YJU2: variants seen among roughly 807,000 people sequenced by gnomAD.
The protein encoded by YJU2 is splicing factor YJU2.
Under a neutral mutation model 39.6 loss-of-function variants are expected in YJU2, and 28 were observed. The ratio of observed to expected loss-of-function variants is 0.71; its 90% confidence interval spans 0.52 to 0.97. YJU2 has a LOEUF of 0.97. YJU2 is among the 50% of genes least tolerant of loss of function. The probability of loss-of-function intolerance (pLI) is 0.00; values close to 1 mark genes in which losing one functional copy is unlikely to be tolerated. For missense variants in YJU2, 328 were observed against 430.4 expected (o/e 0.76, Z 2.11); for synonymous variants, 184 against 182.4 (o/e 1.01, Z -0.07).
chr19:4,247,631 GT>G lies in YJU2; in HGVS notation c.24+462del, dbSNP rs1568359620. Among the ~76,000 whole-genome samples the G allele has an allele frequency of 2.3e-3, 130 of 56,656 alleles. 10 individuals carry two copies. Among genetic ancestry groups the G allele is most frequent in the East Asian group, 7.4e-3 (13 of 1,758 alleles). 37.2% of individuals were successfully genotyped at this position (56,656 alleles called of 152,430 possible). On this transcript the variant is annotated intron_variant, in intron 1 of 7. Transcript: ENST00000262962. ...TGTGTGTGTGTGTGTGTGTGTGTGT[GT>G]GTGTGTGTGTGTGTGTGTGTGTGTG...
rs1568360091 is a variant in YJU2 at position 4,249,278 on chromosome 19, C to G, written c.75C>G (p.Leu25=). The part of the protein sequence containing the change: ...FDPSKIPKLK[L]PKDRQYVVRL... ...CATCAAAGATCCCCAAACTCAAGCTCCCCAAAGACCGGCAGTACGTGGTGC... is the reference window on the plus strand; with the variant it reads ...CATCAAAGATCCCCAAACTCAAGCTGCCCAAAGACCGGCAGTACGTGGTGC... Residue 25 remains leucine, a synonymous_variant, in exon 2 of 8, where the codon CTC becomes CTG. Coordinates refer to ENST00000262962, the MANE Select transcript of YJU2 (RefSeq NM_018074.6). The G allele has an allele frequency of 6.2e-7, 1 of 1,613,976 alleles. No homozygotes were observed. Among genetic ancestry groups the G allele is most frequent in the Non-Finnish European group, 8.5e-7 (1 of 1,179,924 alleles).
At chr19:4,256,006 TCAA>T (rs952737441) in intron 4 of YJU2, among the ~76,000 whole-genome samples, 5 of 151,246 alleles carry the variant, frequency 3.3e-5, no homozygotes, top group African/African-American at 9.7e-5. Flanking sequence ...AAACTCTGTC[TCAA>T]CAACAACAAC....
intron 5 of YJU2, among the ~76,000 whole-genome samples, chr19:4,261,270 T>G (rs985149401): frequency 6.6e-6 from 1 of 152,038 alleles, no homozygotes; most frequent in African/African-American, 2.4e-5. Context: ...GGTTCTCACA[T>G]AAACCACTCC....
chr19:4,259,980 A>G (rs1000643438), intron 5 of YJU2, among the ~76,000 whole-genome samples: 5 of 151,934 alleles, frequency 3.3e-5, no homozygotes, highest in Non-Finnish European at 7.4e-5. Context: ...GGTCAGTGTG[A>G]TCTTCATCAT....
chr19:4,258,654 G>C (rs533500489), intron 5 of YJU2, among the ~76,000 whole-genome samples: 1 of 152,242 alleles, frequency 6.6e-6, no homozygotes, highest in Admixed American at 6.5e-5. Context: ...TTGTCACAGC[G>C]AGAGGACACA....
At chr19:4,252,561 GC>G (rs1970986050) in intron 3 of YJU2, among the ~76,000 whole-genome samples, 1 of 152,012 alleles carries the variant, frequency 6.6e-6, no homozygotes, top group Admixed American at 6.6e-5. Flanking sequence ...CTGAGATCGC[GC>G]CACTGCACTC....
chr19:4,252,970 C>T (rs1002967810), intron 3 of YJU2, among the ~76,000 whole-genome samples: 1 of 150,694 alleles, frequency 6.6e-6, no homozygotes, highest in African/African-American at 2.5e-5. Context: ...TGAAGATTTA[C>T]AGAAAAGTTC....
chr19:4,250,941 G>C, intron 2 of YJU2, 86 bp from the exon 3 acceptor site: 1 of 1,476,128 alleles, frequency 6.8e-7, no homozygotes, highest in Non-Finnish European at 9.3e-7. Context: ...CAAGCAAGCA[G>C]TGATCTTGCA....
rs1349486114 is a variant in YJU2 at position 4,258,335 on chromosome 19, G to A, written c.499G>A (p.Val167Met). ...AGACCTGAACCAGCGGCAGGCGCACGTGGACTTCGAGGCTATGCTGAGGCA... is the reference window on the plus strand; with the variant it reads ...AGACCTGAACCAGCGGCAGGCGCACATGGACTTCGAGGCTATGCTGAGGCA... The part of the protein sequence containing the change: ...LKDLNQRQAH[V>M]DFEAMLRQHR... Residue 167 changes from valine to methionine, a missense_variant, in exon 5 of 8, where the codon GTG (valine) becomes ATG (methionine). Around this residue, in one of 2 missense-constraint regions of YJU2, gnomAD observed 244 missense variants for 264.6 expected, o/e 0.92. Transcript: ENST00000262962. 8.2e-6 allele frequency: 13 copies of A among 1,586,370 alleles called. No homozygotes were observed. Among genetic ancestry groups the A allele is most frequent in the African/African-American group, 1.3e-5 (1 of 74,738 alleles).
Position 4,251,111 on chromosome 19 carries a change from C to T in YJU2, c.210C>T (p.Gly70=), listed in dbSNP as rs1268942985. The T allele has an allele frequency of 3.7e-6, 6 of 1,614,036 alleles. No individual in the cohort carries two copies. The highest frequency in any genetic ancestry group is 1.6e-4 in the Middle Eastern group (1 of 6,084). The change falls in exon 3 of 8, where the codon GGC becomes GGT. Residue 70 remains glycine (G), a synonymous_variant. Coordinates refer to ENST00000262962, the MANE Select transcript of YJU2 (RefSeq NM_018074.6). Reference sequence around the variant, plus strand: ...CGGTGCAGAACGAGGTCTACCTGGGCCTGCCCATCTTCCGCTTTTACATCA... The same window carrying T: ...CGGTGCAGAACGAGGTCTACCTGGGTCTGCCCATCTTCCGCTTTTACATCA... ...KETVQNEVYL[G]LPIFRFYIKC... is the part of the protein sequence containing the mutation.
In YJU2 at chr19:4,262,106, C is replaced by G; in HGVS notation, c.700C>G (p.Leu234Val). 1.2e-6 allele frequency: 2 copies of G among 1,609,868 alleles called. No individual in the cohort carries two copies. Among genetic ancestry groups the G allele is most frequent in the South Asian group, 2.2e-5 (2 of 91,030 alleles). Residue 234 changes from leucine (L) to valine (V), a missense_variant, in exon 6 of 8, where the codon CTG becomes GTG. By Grantham distance (32) the Leu-to-Val change is conservative. Transcript: ENST00000262962. ...PALRPNPTAI[L>V]DEAPKPKRKV... Reference sequence around the variant, plus strand: ...CCTTCGGCCCAACCCCACCGCCATCCTGGATGAGGTAAGTGGGGTGCCTGA... The same window carrying G: ...CCTTCGGCCCAACCCCACCGCCATCGTGGATGAGGTAAGTGGGGTGCCTGA...
chr19:4,253,192 C>A (rs527657296), intron 3 of YJU2, among the ~76,000 whole-genome samples: 32 of 126,338 alleles, frequency 2.5e-4, no homozygotes, highest in Middle Eastern at 8.4e-3. Context: ...AGACCCTGTC[C>A]GTGTCTACAC....
chr19:4,262,677 G>A (rs942665908), intron 6 of YJU2, among the ~76,000 whole-genome samples: 3 of 152,190 alleles, frequency 2.0e-5, no homozygotes, highest in Non-Finnish European at 4.4e-5. Context: ...GGGAGGCCAA[G>A]GCAGGAGGAT....
chr19:4,247,260 G>T, intron 1 of YJU2, 90 bp downstream of exon 1: 1 of 1,210,248 alleles, frequency 8.3e-7, no homozygotes, highest in Non-Finnish European at 1.2e-6. Context: ...CTCTTCTTTG[G>T]AACCCTTCTT....
chr19:4,247,596 T>C (rs1568359536), intron 1 of YJU2, among the ~76,000 whole-genome samples: 188 of 5,206 alleles, frequency 0.036, 27 homozygotes, highest in African/African-American at 0.067. Context: ...TGTGTGTGTG[T>C]GTGTGTGTGT....
Position 4,247,473 on chromosome 19 carries a change from T to C in YJU2, c.24+303T>C, listed in dbSNP as rs539784209. ...CTGGGGGCGGGGCTTCCTTAAATGC[T>C]GGCGGCCGTGTTTTGCCCTCTTCTT... is the stretch of plus-strand genomic sequence containing the variant. On this transcript the variant is annotated intron_variant, in intron 1 of 7. Transcript: ENST00000262962. The C allele has an allele frequency of 8.9e-5, 23 of 258,144 alleles. 2 individuals carry two copies. The highest frequency in any genetic ancestry group is 4.5e-4 in the African/African-American group (20 of 44,884). The allele number at this position is 258,144 out of a possible 1,614,324, so 16.0% of individuals were successfully genotyped here.
At chr19:4,265,356 T>C (rs905322216) in intron 6 of YJU2, among the ~76,000 whole-genome samples, 6 of 151,696 alleles carry the variant, frequency 4.0e-5, no homozygotes, top group Non-Finnish European at 5.9e-5. Flanking sequence ...CAAATGATCC[T>C]CCCACCTCAG....
rs539414437 is a variant in YJU2 at position 4,248,956 on chromosome 19, C to T, written c.25-272C>T. Among the ~76,000 whole-genome samples the T allele has an allele frequency of 2.0e-5, 3 of 152,212 alleles. No individual in the cohort carries two copies. The East Asian group carries it at 5.8e-4, about 29-fold the overall frequency. On this transcript the variant is annotated intron_variant, in intron 1 of 7. Coordinates refer to ENST00000262962, the MANE Select transcript of YJU2 (RefSeq NM_018074.6). ...AAAAACAAACCCTGGCTTTTTAGAG[C>T]TTCCCGTGTAGACAGCATTTCATGT...
At position 4,251,062 on chromosome 19, in the gene YJU2, A is replaced by G. The variant is rs1173111668; in HGVS notation, c.161A>G (p.Lys54Arg). The G allele has an allele frequency of 6.2e-7, 1 of 1,614,192 alleles. No individual in the cohort carries two copies. The highest frequency in any genetic ancestry group is 8.5e-7 in the Non-Finnish European group (1 of 1,180,026). The part of the protein sequence containing the change: ...KTCGEYIYKG[K>R]KFNARKETVQ... ...TGCGGAGAATACATCTACAAGGGGAAGAAATTCAATGCTCGGAAGGAGACG... is the reference window on the plus strand; with the variant it reads ...TGCGGAGAATACATCTACAAGGGGAGGAAATTCAATGCTCGGAAGGAGACG... The change falls in exon 3 of 8, where the codon AAG (lysine) becomes AGG (arginine). Residue 54 changes from lysine (K) to arginine (R), a missense_variant. Coordinates refer to ENST00000262962, the MANE Select transcript of YJU2 (RefSeq NM_018074.6).
Sources: gnomAD v4.1 joint callset for allele counts (sites outside exome capture counted in the v4.1 genomes callset) on GRCh38, gnomAD v4.1.1 for gene constraint, gnomAD v4.1.1 regional missense constraint, MANE v1.5 for transcripts, NCBI Gene and HGNC (gene_info 2026-07-23, HGNC 2026-07-21) for gene names.